Variants in LINGO2 observed in about 807,000 individuals in gnomAD.
The protein encoded by LINGO2 is leucine rich repeat and Ig domain containing 2, also known as leucine-rich repeat and immunoglobulin-like domain-containing nogo receptor-interacting protein 2.
A neutral mutation model predicts 30.6 loss-of-function variants in LINGO2; 14 were observed. The observed-to-expected ratio is 0.46, with a 90% CI of 0.30 to 0.72. The LOEUF (loss-of-function observed/expected upper bound fraction) is 0.72. LINGO2 is among the 30% of genes least tolerant of loss of function. LINGO2 has a pLI of 0.07. For synonymous variants in LINGO2, 317 were observed against 288.5 expected, an observed-to-expected ratio of 1.10 and a Z score of -1.00; for missense variants, 729 against 751.7, an observed-to-expected ratio of 0.97 and a Z score of 0.35.
At position 28,655,339 on chromosome 9, in the gene LINGO2, C is replaced by A. The variant is rs764164492; in HGVS notation, c.-365+14861G>T. Among the ~76,000 whole-genome samples, 201 of 151,986 alleles carry A rather than the reference C, an allele frequency of 1.3e-3. 4 individuals carry two copies. Among genetic ancestry groups the A allele is most frequent in the Non-Finnish European group, 6.3e-4 (43 of 67,952 alleles). The stretch of plus-strand genomic sequence containing the variant: ...TAGGTGTCTTTACCCAATGCCTGCA[C>A]CCCCATTGTATCTAGGAAGTAACTA... On this transcript the variant is annotated intron_variant, in intron 1 of 5. Coordinates refer to ENST00000379992, the Ensembl canonical transcript of LINGO2.
rs555883387 is a variant in LINGO2, at chr9:28,314,095, C to T, written c.-245-18729G>A. On this transcript the variant is annotated intron_variant, in intron 3 of 5. Transcript: ENST00000379992. The stretch of plus-strand genomic sequence containing the variant: ...GACTACAGGCGCCCACCACCTCGCC[C>T]GGCTAATTTTTTGTATTTTTACTAG... 6.8e-4 allele frequency among the ~76,000 whole-genome samples: 104 copies of T among 152,260 alleles called. 1 individual carries two copies. The highest frequency in any genetic ancestry group is 1.3e-3 in the Non-Finnish European group (86 of 68,022).
the LINGO2 span, among the ~76,000 whole-genome samples, chr9:29,059,861 T>G: frequency 7.2e-5 from 11 of 152,010 alleles, no homozygotes; most frequent in Non-Finnish European, 1.6e-4. Context: ...TAAATTGAAC[T>G]TCCTCAAAAT....
intron 1 of LINGO2, among the ~76,000 whole-genome samples, chr9:28,552,898 A>T (rs77143922): frequency 6.6e-6 from 1 of 151,050 alleles, no homozygotes; most frequent in Non-Finnish European, 1.5e-5. Flanking sequence ...AAAAAAAAAA[A>T]TCTGTGTTCT....
chr9:28,004,983 T>C (rs1193772310), intron 5 of LINGO2, among the ~76,000 whole-genome samples: 7 of 152,204 alleles, frequency 4.6e-5, no homozygotes, highest in South Asian at 2.1e-4. Flanking sequence ...GGAGGCTTTT[T>C]CTTAGACATA....
chr9:28,504,788 C>G, intron 1 of LINGO2, among the ~76,000 whole-genome samples: 1 of 151,680 alleles, frequency 6.6e-6, no homozygotes. Context: ...GGAAATAAAA[C>G]TGAGAAATGA....
chr9:28,199,890 T>C (rs774763791), intron 4 of LINGO2, among the ~76,000 whole-genome samples: 1 of 151,678 alleles, frequency 6.6e-6, no homozygotes, highest in Non-Finnish European at 1.5e-5. Flanking sequence ...AAAGTATTAG[T>C]ATAGGGCTCC....
chr9:28,725,501 G>A, the LINGO2 span, among the ~76,000 whole-genome samples: 1 of 150,834 alleles, frequency 6.6e-6, no homozygotes, highest in Non-Finnish European at 1.5e-5. Context: ...ATATACAACA[G>A]GGGGAATAAT....
chr9:28,501,203 C>G (rs1213101409), intron 1 of LINGO2, among the ~76,000 whole-genome samples: 1 of 152,074 alleles, frequency 6.6e-6, no homozygotes, highest in Non-Finnish European at 1.5e-5. Context: ...GTATCATACA[C>G]AAATTGTTGG....
At chr9:28,584,933 A>ATT (rs1046279252) in intron 1 of LINGO2, among the ~76,000 whole-genome samples, 1 of 13,952 alleles carries the variant, frequency 7.2e-5, no homozygotes, top group African/African-American at 1.6e-4. Context: ...ACTGCAAGAG[A>ATT]TTTTTTTTTT....
the LINGO2 span, among the ~76,000 whole-genome samples, chr9:28,765,771 T>C: frequency 6.6e-6 from 1 of 152,004 alleles, no homozygotes; most frequent in Admixed American, 6.6e-5. Context: ...ATAAACCTCC[T>C]TTCTTTATAA....
the LINGO2 span, among the ~76,000 whole-genome samples, chr9:29,124,320 C>G: frequency 6.6e-6 from 1 of 152,050 alleles, no homozygotes; most frequent in Non-Finnish European, 1.5e-5. Flanking sequence ...TAGAAGAAAA[C>G]CTAGGCAATA....
the LINGO2 span, among the ~76,000 whole-genome samples, chr9:29,135,120 ATAGCTAC>A: frequency 6.6e-6 from 1 of 152,188 alleles, no homozygotes; most frequent in African/African-American, 2.4e-5. Flanking sequence ...AGAACTCTTC[ATAGCTAC>A]TGTATATGTA....
chr9:28,907,486 G>A, the LINGO2 span, among the ~76,000 whole-genome samples: 2 of 151,688 alleles, frequency 1.3e-5, no homozygotes, highest in African/African-American at 4.8e-5. Flanking sequence ...AGGGAGAGAA[G>A]TGATGACATA....
At chr9:28,163,755 GCATCACCACACACCCCA>G (rs1269750129) in intron 4 of LINGO2, among the ~76,000 whole-genome samples, 11 of 152,162 alleles carry the variant, frequency 7.2e-5, no homozygotes, top group Non-Finnish European at 1.6e-4. Flanking sequence ...GATTCAATAA[GCATCACCACACACCCCA>G]CATCTACAGC....
chr9:28,585,831 C>T (rs1456503806), intron 1 of LINGO2, among the ~76,000 whole-genome samples: 1 of 151,994 alleles, frequency 6.6e-6, no homozygotes, highest in East Asian at 1.9e-4. Flanking sequence ...GTAAGAATTT[C>T]CCCTTCAAGA....
chr9:28,003,497 T>C (rs541048747), intron 5 of LINGO2, among the ~76,000 whole-genome samples: 91 of 152,252 alleles, frequency 6.0e-4, no homozygotes, highest in South Asian at 1.2e-3. Context: ...CTCGCTGTGT[T>C]GCCCAGGCTG....
At chr9:28,976,050 G>C in the LINGO2 span, among the ~76,000 whole-genome samples, 1 of 152,084 alleles carries the variant, frequency 6.6e-6, no homozygotes, top group Non-Finnish European at 1.5e-5. Context: ...TGTCAAACAA[G>C]AAATTAAATT....
intron 1 of LINGO2, among the ~76,000 whole-genome samples, chr9:28,521,191 C>T (rs1054962041): frequency 1.3e-5 from 2 of 151,882 alleles, no homozygotes; most frequent in African/African-American, 4.8e-5. Context: ...AATTTTAAAC[C>T]GTGTGGGATA....
At chr9:29,142,997 C>T in the LINGO2 span, among the ~76,000 whole-genome samples, 1 of 151,804 alleles carries the variant, frequency 6.6e-6, no homozygotes, top group Non-Finnish European at 1.5e-5. Flanking sequence ...TTTTAATTCT[C>T]TAATAAGTAA....
Sources: allele counts gnomAD v4.1 joint callset (sites outside exome capture counted in the v4.1 genomes callset), GRCh38; gene constraint gnomAD v4.1.1; transcripts MANE v1.5; gene names NCBI Gene and HGNC (gene_info 2026-07-23, HGNC 2026-07-21).